Variants in SGCD observed in about 807,000 individuals in gnomAD.
SGCD encodes the protein sarcoglycan delta.
SGCD carries 18 observed loss-of-function variants against 36.6 expected under a neutral mutation model. The ratio of observed to expected loss-of-function variants is 0.49; its 90% CI spans 0.34 to 0.73. The LOEUF is 0.73. Among genes scored for constraint, SGCD ranks in the 30% least tolerant of loss-of-function variants. The probability of loss-of-function intolerance (pLI) is 0.01; values close to 1 mark genes in which losing one functional copy is unlikely to be tolerated. For synonymous variants in SGCD, 133 were observed against 130.6 expected (o/e 1.02, Z -0.12); for missense variants, 387 against 346.7 (o/e 1.12, Z -0.92).
In SGCD at chr5:156,554,987, A is replaced by T. The variant is rs544039429; in HGVS notation, c.295-34244A>T. Among the ~76,000 whole-genome samples, 5 of 152,264 alleles carry T rather than the reference A, an allele frequency of 3.3e-5. No individual in the cohort carries two copies. In the East Asian group the frequency reaches 9.6e-4, roughly 29 times the overall value. ...ATATGCATTTCCCTAATCACTAATGATGTTACACATCCTTTCATGGACTTA... is the reference window on the plus strand; with the variant it reads ...ATATGCATTTCCCTAATCACTAATGTTGTTACACATCCTTTCATGGACTTA... On this transcript the variant is annotated intron_variant, in intron 4 of 8. Coordinates refer to ENST00000337851, the MANE Select transcript of SGCD (RefSeq NM_000337.6).
At chr5:155,781,396 A>C in the SGCD span, among the ~76,000 whole-genome samples, 3 of 152,182 alleles carry the variant, frequency 2.0e-5, no homozygotes, top group Non-Finnish European at 4.4e-5. Flanking sequence ...GAAGACGGAA[A>C]TCTTTGGTAT....
At chr5:156,457,038 A>T (rs1254277002) in intron 3 of SGCD, among the ~76,000 whole-genome samples, 3 of 152,304 alleles carry the variant, frequency 2.0e-5, no homozygotes, top group East Asian at 3.9e-4. Flanking sequence ...AAGTTGTAGC[A>T]TTCTTCAGTT....
the SGCD span, among the ~76,000 whole-genome samples, chr5:155,732,355 C>G: frequency 1.2e-4 from 18 of 152,266 alleles, no homozygotes; most frequent in East Asian, 3.3e-3. Context: ...TGAGTCCAGG[C>G]GTGGTTGACT....
At chr5:156,109,134 G>T (rs1761722036) in intron 1 of SGCD, among the ~76,000 whole-genome samples, 1 of 152,122 alleles carries the variant, frequency 6.6e-6, no homozygotes, top group African/African-American at 2.4e-5. Context: ...TTGACAGGTG[G>T]CTCCTGCTAG....
intron 4 of SGCD, among the ~76,000 whole-genome samples, chr5:156,584,286 G>T (rs571558795): frequency 6.6e-6 from 1 of 152,280 alleles, no homozygotes; most frequent in South Asian, 2.1e-4. Context: ...CCGAGTTAGA[G>T]GAGGTCTCAC....
At chr5:156,560,299 G>A (rs907608374) in intron 4 of SGCD, among the ~76,000 whole-genome samples, 3 of 152,284 alleles carry the variant, frequency 2.0e-5, no homozygotes, top group Admixed American at 2.0e-4. Context: ...CTCAGCTGCA[G>A]AGCAGTAACA....
At chr5:156,562,285 G>A (rs1477245533) in intron 4 of SGCD, among the ~76,000 whole-genome samples, 11 of 152,172 alleles carry the variant, frequency 7.2e-5, no homozygotes. Context: ...GGGTGAGTTT[G>A]GGGAAGGTTA....
intron 7 of SGCD, among the ~76,000 whole-genome samples, chr5:156,695,865 C>T (rs1047563866): frequency 7.2e-5 from 11 of 152,190 alleles, no homozygotes; most frequent in African/African-American, 2.2e-4. Flanking sequence ...AGAAGAATCC[C>T]ATGTCTTCCT....
At chr5:156,719,327 T>C (rs1384217218) in intron 7 of SGCD, among the ~76,000 whole-genome samples, 2 of 152,084 alleles carry the variant, frequency 1.3e-5, no homozygotes, top group Non-Finnish European at 2.9e-5. Context: ...TGGAGCCTAA[T>C]CTGCTTTACT....
intron 1 of SGCD, among the ~76,000 whole-genome samples, chr5:155,945,136 T>G (rs1291991976): frequency 1.3e-5 from 2 of 152,150 alleles, no homozygotes; most frequent in African/African-American, 2.4e-5. Flanking sequence ...TGTCTACAAA[T>G]GAAAATTTTG....
intron 1 of SGCD, among the ~76,000 whole-genome samples, chr5:155,946,512 T>A (rs562909879): frequency 1.3e-5 from 2 of 152,246 alleles, no homozygotes; most frequent in Non-Finnish European, 2.9e-5. Context: ...AAATGGTATT[T>A]TGAATCATTA....
chr5:155,891,767 C>A (rs1242152565), intron 1 of SGCD, among the ~76,000 whole-genome samples: 1 of 151,806 alleles, frequency 6.6e-6, no homozygotes, highest in Admixed American at 6.6e-5. Context: ...GACTATAGCA[C>A]CCAATAGTTA....
chr5:155,952,958 G>A (rs1757574955), intron 1 of SGCD, among the ~76,000 whole-genome samples: 3 of 152,126 alleles, frequency 2.0e-5, no homozygotes, highest in Admixed American at 2.0e-4. Context: ...ATTTAGCTTT[G>A]GGTGGGGAAA....
intron 7 of SGCD, among the ~76,000 whole-genome samples, chr5:156,684,733 C>T (rs1215419022): frequency 6.6e-6 from 1 of 152,222 alleles, no homozygotes; most frequent in East Asian, 1.9e-4. Context: ...TAATACATCA[C>T]AGTCAGTATC....
intron 3 of SGCD, among the ~76,000 whole-genome samples, chr5:156,225,326 C>T (rs1764823163): frequency 6.6e-6 from 1 of 152,052 alleles, no homozygotes; most frequent in South Asian, 2.1e-4. Flanking sequence ...GTAATTGTCA[C>T]CCAATGAAGA....
chr5:156,462,767 C>T (rs950646548), intron 3 of SGCD, among the ~76,000 whole-genome samples: 2 of 152,094 alleles, frequency 1.3e-5, no homozygotes, highest in Non-Finnish European at 2.9e-5. Flanking sequence ...TATGGATTTA[C>T]ATTAGGTTGG....
At chr5:156,394,312 A>G (rs951952407) in intron 3 of SGCD, among the ~76,000 whole-genome samples, 10 of 152,254 alleles carry the variant, frequency 6.6e-5, no homozygotes, top group Admixed American at 4.6e-4. Context: ...CACATTGAGT[A>G]ATGATCTCTT....
intron 2 of SGCD, among the ~76,000 whole-genome samples, chr5:156,330,179 G>A (rs763049437): frequency 2.6e-5 from 4 of 152,154 alleles, no homozygotes; most frequent in Non-Finnish European, 5.9e-5. Flanking sequence ...TTATTGGAAC[G>A]TTTCTGATTT....
chr5:156,046,938 T>A (rs138710357), intron 1 of SGCD, among the ~76,000 whole-genome samples: 22 of 152,234 alleles, frequency 1.4e-4, no homozygotes, highest in African/African-American at 4.8e-4. Context: ...AAAGGAAAAG[T>A]TTCTGAAGAA....
Sources: gnomAD v4.1 joint callset for allele counts (sites outside exome capture counted in the v4.1 genomes callset) on GRCh38, gnomAD v4.1.1 for gene constraint, MANE v1.5 for transcripts, NCBI Gene and HGNC (gene_info 2026-07-23, HGNC 2026-07-21) for gene names.